The following ACVR1 variants were observed in gnomAD, a reference collection of about 807,000 sequenced individuals.
ACVR1 encodes the protein activin A receptor type 1, also known as activin receptor type-1.
Under a neutral mutation model 57.1 loss-of-function variants are expected in ACVR1, and 38 were observed. That is an observed-to-expected ratio of 0.67 (90% CI 0.51 to 0.87). The LOEUF is 0.87. Ranked by LOEUF, ACVR1 falls within the 40% of genes least tolerant of loss-of-function variation. The pLI, the probability that ACVR1 is intolerant of heterozygous loss-of-function variation, is 0.00. For synonymous variants in ACVR1, 212 were observed against 228.1 expected (o/e 0.93, Z 0.63); for missense variants, 463 against 638.2 (o/e 0.73, Z 2.96).
chr2:157,796,569 A>G (rs954773656), intron 3 of ACVR1, among the ~76,000 whole-genome samples: 2 of 152,048 alleles, frequency 1.3e-5, no homozygotes, highest in African/African-American at 4.8e-5. Context: ...CAACAACAAA[A>G]CCGTAACAAC....
chr2:157,770,838 T>A (rs1232459751), intron 6 of ACVR1, among the ~76,000 whole-genome samples: 2 of 152,208 alleles, frequency 1.3e-5, no homozygotes, highest in East Asian at 3.8e-4. Flanking sequence ...AAAATGCATA[T>A]GACTTTTAAA....
At chr2:157,742,859 G>A (rs1483741886) in intron 9 of ACVR1, among the ~76,000 whole-genome samples, 3 of 152,082 alleles carry the variant, frequency 2.0e-5, no homozygotes, top group Non-Finnish European at 4.4e-5. Flanking sequence ...TGTGGGACCC[G>A]CAGGTCTCTC....
chr2:157,808,003 T>A (rs767962654), intron 2 of ACVR1, among the ~76,000 whole-genome samples: 3 of 151,816 alleles, frequency 2.0e-5, no homozygotes, highest in Non-Finnish European at 4.4e-5. Context: ...ACACCACCCT[T>A]TATACACTGG....
At chr2:157,826,941 G>A (rs1239988976) in intron 1 of ACVR1, among the ~76,000 whole-genome samples, 1 of 140,934 alleles carries the variant, frequency 7.1e-6, no homozygotes, top group African/African-American at 2.6e-5. Flanking sequence ...AAGAAAGAGA[G>A]AAACAGAGAG....
In ACVR1 at chr2:157,737,483, G is replaced by A. The variant is rs1684577500; in HGVS notation, c.*48C>T. ...GTCAGGCCAGCATTAGGTCCCAGCT[G>A]GACAATGACAACAACGTCAAATCTT... On this transcript the variant is annotated 3_prime_UTR_variant, in exon 11 of 11. Transcript: ENST00000434821. The A allele has an allele frequency of 3.1e-6, 5 of 1,609,012 alleles. No homozygotes were observed. The highest frequency in any genetic ancestry group is 2.7e-5 in the African/African-American group (2 of 74,836).
In ACVR1 at chr2:157,738,537, T is replaced by A; in HGVS notation, c.1298A>T (p.Asp433Val). The A allele has an allele frequency of 1.2e-6, 2 of 1,614,134 alleles. No homozygotes were observed. The highest frequency in any genetic ancestry group is 1.7e-6 in the Non-Finnish European group (2 of 1,179,990). ...IVEDYKPPFY[D>V]VVPNDPSFED... Reference sequence around the variant, plus strand: ...AAAACTTGGGTCATTGGGAACCACATCGTAGAACGGTGGCTTGTAATCCTC... The same window carrying A: ...AAAACTTGGGTCATTGGGAACCACAACGTAGAACGGTGGCTTGTAATCCTC... Residue 433 changes from aspartate to valine, a missense_variant, in exon 10 of 11, where the codon GAT (aspartate) becomes GTT (valine). Around this residue, in one of 3 missense-constraint regions of ACVR1, gnomAD observed 146 missense variants for 186.6 expected, o/e 0.78. Transcript: ENST00000434821.
chr2:157,785,395 AGCACAGTTTG>A (rs1408890569), intron 3 of ACVR1, among the ~76,000 whole-genome samples: 1 of 152,192 alleles, frequency 6.6e-6, no homozygotes, highest in East Asian at 1.9e-4. Context: ...CTAATCCGGG[AGCACAGTTTG>A]GCACCTCTCC....
chr2:157,825,946 C>G (rs1250165936), intron 1 of ACVR1, among the ~76,000 whole-genome samples: 1 of 152,206 alleles, frequency 6.6e-6, no homozygotes, highest in Non-Finnish European at 1.5e-5. Flanking sequence ...GTCTGTTTGG[C>G]TCAGCTTTCA....
chr2:157,874,697 C>T (rs1288119412), intron 1 of ACVR1, among the ~76,000 whole-genome samples: 5 of 152,170 alleles, frequency 3.3e-5, no homozygotes, highest in Non-Finnish European at 7.3e-5. Context: ...ATCTCTGGGA[C>T]AGGATTCTTT....
At chr2:157,772,421 C>T (rs1686105157) in intron 6 of ACVR1, among the ~76,000 whole-genome samples, 2 of 152,216 alleles carry the variant, frequency 1.3e-5, no homozygotes, top group Non-Finnish European at 2.9e-5. Flanking sequence ...CACATGAACA[C>T]ACTAACTACA....
intron 3 of ACVR1, among the ~76,000 whole-genome samples, chr2:157,784,047 G>A (rs1263532845): frequency 6.6e-6 from 1 of 152,180 alleles, no homozygotes; most frequent in East Asian, 1.9e-4. Flanking sequence ...TTTAAAGCAA[G>A]GTAGTAATAG....
intron 2 of ACVR1, among the ~76,000 whole-genome samples, chr2:157,814,614 G>A (rs75714989): frequency 0.011 from 1,675 of 152,218 alleles, 9 homozygotes; most frequent in African/African-American, 0.021. Context: ...CTTTGACCCA[G>A]CAATTCTACT....
chr2:157,765,817 T>C, intron 8 of ACVR1, 104 bp downstream of exon 8: 1 of 1,190,238 alleles, frequency 8.4e-7, no homozygotes, highest in Non-Finnish European at 1.2e-6. Context: ...CTTTTCTGCA[T>C]GTTTGAAATT....
chr2:157,873,678 C>G (rs1441651330), intron 1 of ACVR1, among the ~76,000 whole-genome samples: 1 of 152,164 alleles, frequency 6.6e-6, no homozygotes, highest in Admixed American at 6.5e-5. Flanking sequence ...TCAATCCAAG[C>G]CTGAGAATTA....
chr2:157,861,068 C>T (rs943646786), intron 1 of ACVR1, among the ~76,000 whole-genome samples: 18 of 152,216 alleles, frequency 1.2e-4, no homozygotes, highest in South Asian at 4.1e-4. Flanking sequence ...CCCCACCTGA[C>T]AACATCCTAC....
At chr2:157,754,724 A>G (rs1685351850) in intron 9 of ACVR1, among the ~76,000 whole-genome samples, 1 of 152,220 alleles carries the variant, frequency 6.6e-6, no homozygotes. Context: ...ATTCTGCAAG[A>G]TAGAGAAAGA....
intron 3 of ACVR1, among the ~76,000 whole-genome samples, chr2:157,798,630 C>T (rs1302521923): frequency 2.6e-5 from 4 of 151,842 alleles, no homozygotes; most frequent in East Asian, 1.9e-4. Context: ...CAGGTTCAAG[C>T]GATCCTCCCA....
At chr2:157,738,980 AG>A (rs1191488616) in intron 9 of ACVR1, among the ~76,000 whole-genome samples, 11 of 152,260 alleles carry the variant, frequency 7.2e-5, no homozygotes, top group African/African-American at 2.7e-4. Flanking sequence ...AACCATAAAT[AG>A]AAATAAAAAG....
intron 5 of ACVR1, among the ~76,000 whole-genome samples, chr2:157,777,141 A>G (rs1686320812): frequency 6.6e-6 from 1 of 152,254 alleles, no homozygotes; most frequent in African/African-American, 2.4e-5. Context: ...CTTAAAGTTC[A>G]AAGCGTCTTT....
Sources: allele counts gnomAD v4.1 joint callset (sites outside exome capture counted in the v4.1 genomes callset), GRCh38; gene constraint gnomAD v4.1.1; regional missense constraint gnomAD v4.1.1; transcripts MANE v1.5; gene names NCBI Gene and HGNC (gene_info 2026-07-23, HGNC 2026-07-21).